The following MTHFSD variants were observed in gnomAD, a reference collection of about 807,000 sequenced individuals.
The protein encoded by MTHFSD is methenyltetrahydrofolate synthase domain-containing protein.
MTHFSD carries 37 observed loss-of-function variants against 31.1 expected under a neutral mutation model. The observed-to-expected ratio is 1.19, with a 90% CI of 0.91 to 1.56. MTHFSD has a LOEUF of 1.56. Among genes scored for constraint, MTHFSD ranks in the 40% most tolerant of loss-of-function variants. The probability of loss-of-function intolerance (pLI) is 0.00; values close to 1 mark genes in which losing one functional copy is unlikely to be tolerated. For missense variants in MTHFSD, 664 were observed against 510.1 expected (o/e 1.30, Z -2.91); for synonymous variants, 221 against 206.9 (o/e 1.07, Z -0.59).
rs952828121 is a variant in MTHFSD, at chr16:86,531,954, G to A, written c.*57C>T. On this transcript the variant is annotated 3_prime_UTR_variant, in exon 8 of 8. Coordinates refer to ENST00000360900, the MANE Select transcript of MTHFSD (RefSeq NM_001159377.2). This position sits in a 1 kb window ranked among gnomAD's most constrained non-coding sequence, Gnocchi z 5.5. ...GGCCTCTCGAGTGCCATCGGAACCG[G>A]AGCGGCAGGGGACGGGGATGGCGAG... 1 of 1,233,466 alleles carries A rather than the reference G, an allele frequency of 8.1e-7. No homozygotes were observed. The highest frequency in any genetic ancestry group is 1.6e-5 in the African/African-American group (1 of 64,474). 76.4% of individuals were successfully genotyped at this position (1,233,466 alleles called of 1,614,324 possible).
intron 1 of MTHFSD, 81 bp from the exon 2 acceptor site, chr16:86,554,832 A>C (rs1388887771): frequency 7.9e-7 from 1 of 1,267,588 alleles, no homozygotes; most frequent in East Asian, 2.4e-5. Flanking sequence ...TAGTTAAGCG[A>C]CCCCCGCGTG....
Position 86,541,746 on chromosome 16 carries a change from A to T in MTHFSD, c.632T>A (p.Ile211Asn). The T allele has an allele frequency of 6.2e-7, 1 of 1,614,142 alleles. No individual in the cohort carries two copies. Among genetic ancestry groups the T allele is most frequent in the South Asian group, 1.1e-5 (1 of 91,026 alleles). The change falls in exon 7 of 8, where the codon ATC becomes AAC. Residue 211 changes from isoleucine to asparagine, a missense_variant. Coordinates refer to ENST00000360900, the MANE Select transcript of MTHFSD (RefSeq NM_001159377.2). ...VDYILTPTRV[I>N]ATGCKRPKPM... ...CTTTGGGCGCTTGCAGCCTGTGGCGATGACTCTGGTTGGAGTGAGGATGTA... is the reference window on the plus strand; with the variant it reads ...CTTTGGGCGCTTGCAGCCTGTGGCGTTGACTCTGGTTGGAGTGAGGATGTA...
intron 3 of MTHFSD, among the ~76,000 whole-genome samples, chr16:86,550,173 C>T (rs1360673129): frequency 2.0e-5 from 3 of 152,246 alleles, no homozygotes; most frequent in Non-Finnish European, 2.9e-5. Flanking sequence ...TTACCTGCAT[C>T]CCAGCTGATC....
intron 7 of MTHFSD, among the ~76,000 whole-genome samples, chr16:86,538,222 C>A (rs1429055779): frequency 4.8e-5 from 1 of 20,832 alleles, no homozygotes; most frequent in Non-Finnish European, 8.0e-5. Context: ...TAACATATAT[C>A]ATTCCTGCCC....
chr16:86,549,130 C>A (rs1401889272), intron 3 of MTHFSD, among the ~76,000 whole-genome samples: 1 of 152,234 alleles, frequency 6.6e-6, no homozygotes, highest in Non-Finnish European at 1.5e-5. Context: ...TCTCAAATGC[C>A]TATTGTGAGA....
rs1383094681 is a variant in MTHFSD, at chr16:86,530,395, G to A, written c.*1616C>T. 1 of 152,220 alleles carries A rather than the reference G, an allele frequency of 6.6e-6. No homozygotes were observed. The highest frequency in any genetic ancestry group is 1.5e-5 in the Non-Finnish European group (1 of 68,074). 9.4% of individuals were successfully genotyped at this position (152,220 alleles called of 1,614,324 possible). A position where few individuals can be genotyped will look rare whatever the true frequency, so the allele number is the denominator to read the frequency against. On this transcript the variant is annotated 3_prime_UTR_variant, in exon 8 of 8. Transcript: ENST00000360900. ...AATCCCGCCGTCTGAGGGTGGGGTG[G>A]GCGTCAGGCATGGCTGGACACAGGA...
Position 86,554,892 on chromosome 16 carries a change from C to A in MTHFSD, c.17-141G>T, listed in dbSNP as rs987456928. The A allele has an allele frequency of 5.7e-6, 6 of 1,052,994 alleles. No individual in the cohort carries two copies. The African/African-American group carries it at 6.4e-5, about 11-fold the overall frequency. The allele number at this position is 1,052,994 out of a possible 1,614,324, so 65.2% of individuals were successfully genotyped here. A position where few individuals can be genotyped will look rare whatever the true frequency, so the allele number is the denominator to read the frequency against. ...GTTCCTGAGCCTCAGTTTCCCCGAC[C>A]TCAAGGGGCCCACGGGCTCCCCCAC... On this transcript the variant is annotated intron_variant, in intron 1 of 7. Transcript: ENST00000360900.
rs185517870 is a variant in MTHFSD at position 86,541,256 on chromosome 16, T to G, written c.681+441A>C. 5.7e-6 allele frequency: 7 copies of G among 1,233,446 alleles called. No homozygotes were observed. In the Admixed American group the frequency reaches 2.0e-4, roughly 36 times the overall value. The allele number at this position is 1,233,446 out of a possible 1,614,324, so 76.4% of individuals were successfully genotyped here. A position where few individuals can be genotyped will look rare whatever the true frequency, so the allele number is the denominator to read the frequency against. ...ACAAAGGCTTGGTACTGCCTCCTAC[T>G]CAGGCTAGATCTGCTTGAAGATCCA... is the stretch of plus-strand genomic sequence containing the variant. On this transcript the variant is annotated intron_variant, in intron 7 of 7. Transcript: ENST00000360900.
At chr16:86,547,376 G>A (rs1972475008) in intron 4 of MTHFSD, 1 of 985,774 alleles carries the variant, frequency 1.0e-6, no homozygotes, top group Non-Finnish European at 1.2e-6. Context: ...GTATCCAGCA[G>A]TAACTGATCA....
chr16:86,555,030 AC>A, intron 1 of MTHFSD, 138 bp downstream of exon 1: 1 of 1,442,180 alleles, frequency 6.9e-7, no homozygotes, highest in South Asian at 1.4e-5. Context: ...CCCAGCACAG[AC>A]CCCCTCTGAC....
At chr16:86,535,019 G>T (rs1394480579) in intron 7 of MTHFSD, among the ~76,000 whole-genome samples, 1 of 152,234 alleles carries the variant, frequency 6.6e-6, no homozygotes, top group Non-Finnish European at 1.5e-5. Context: ...CACACTTGGG[G>T]TTCTGCGGCA....
In MTHFSD at chr16:86,542,103, G is replaced by C. The variant is rs746954662; in HGVS notation, c.553C>G (p.Gln185Glu). Reference protein sequence around the residue: ...TPVVTIVHDCQVVDIPEELVE... With the variant: ...TPVVTIVHDCEVVDIPEELVE... ...CTCAGCCCATTCATAAGGAGCACCT[G>C]GCAGTCGTGGACGATGGTGACCACC... The change falls in exon 6 of 8, where the codon CAG becomes GAG. Residue 185 changes from glutamine (Q) to glutamate (E), a missense_variant and splice_region_variant. By Grantham distance (29) the Gln-to-Glu change is conservative. Coordinates refer to ENST00000360900, the MANE Select transcript of MTHFSD (RefSeq NM_001159377.2). The surrounding 1 kb of genome is among the most constrained non-coding windows in gnomAD (Gnocchi z 4.6). 6.2e-7 allele frequency: 1 copy of C among 1,612,896 alleles called. No individual in the cohort carries two copies. The highest frequency in any genetic ancestry group is 1.7e-4 in the Middle Eastern group (1 of 6,058).
intron 3 of MTHFSD, 99 bp downstream of exon 3, chr16:86,551,934 T>C (rs1973205087): frequency 6.5e-7 from 1 of 1,530,224 alleles, no homozygotes; most frequent in South Asian, 1.3e-5. Context: ...AAGCACCGAC[T>C]TTCTAAATGC....
rs972906297 is a variant in MTHFSD, at chr16:86,542,917, A to G, written c.443-704T>C. Among the ~76,000 whole-genome samples, 2 of 152,230 alleles carry G rather than the reference A, an allele frequency of 1.3e-5. No homozygotes were observed. The highest frequency in any genetic ancestry group is 2.9e-5 in the Non-Finnish European group (2 of 67,992). On this transcript the variant is annotated intron_variant, in intron 5 of 7. Coordinates refer to ENST00000360900, the MANE Select transcript of MTHFSD (RefSeq NM_001159377.2). The surrounding 1 kb of genome is among the most constrained non-coding windows in gnomAD (Gnocchi z 4.6). ...CCATGGAGAAGCTACAATTCCGCTT[A>G]TGAGAAGCCTGAGGCACTTCAGAAA...
chr16:86,546,422 T>C lies in MTHFSD; in HGVS notation c.442+137A>G, dbSNP rs199730843. 100 of 735,286 alleles carry C rather than the reference T, an allele frequency of 1.4e-4. No homozygotes were observed. In the East Asian group the frequency reaches 2.4e-3, roughly 18 times the overall value. The allele number at this position is 735,286 out of a possible 1,614,324, so 45.5% of individuals were successfully genotyped here. A position where few individuals can be genotyped will look rare whatever the true frequency, so the allele number is the denominator to read the frequency against. On this transcript the variant is annotated intron_variant, in intron 5 of 7. Transcript: ENST00000360900. ...GAGCCAATTCTTCACCTCTGAAAAATGCAGCGGCTTCGGAGACCAGGTAAG... is the reference window on the plus strand; with the variant it reads ...GAGCCAATTCTTCACCTCTGAAAAACGCAGCGGCTTCGGAGACCAGGTAAG...
At position 86,531,662 on chromosome 16, in the gene MTHFSD, A is replaced by T; in HGVS notation, c.*349T>A. On this transcript the variant is annotated 3_prime_UTR_variant, in exon 8 of 8. Transcript: ENST00000360900. This position sits in a 1 kb window ranked among gnomAD's most constrained non-coding sequence, Gnocchi z 5.5. ...CTCCTGTTCAGCCCACCCCTGGCAA[A>T]CTCGAGATCACCTTCACATCACCCT... The T allele has an allele frequency of 5.3e-6, 1 of 189,842 alleles. No individual in the cohort carries two copies. The highest frequency in any genetic ancestry group is 1.1e-5 in the Non-Finnish European group (1 of 93,296). 11.8% of individuals were successfully genotyped at this position (189,842 alleles called of 1,614,324 possible).
intron 2 of MTHFSD, among the ~76,000 whole-genome samples, 185 bp downstream of exon 2, chr16:86,554,460 G>C (rs1422289170): frequency 6.6e-6 from 1 of 152,184 alleles, no homozygotes; most frequent in African/African-American, 2.4e-5. Context: ...GAGGCCCCAG[G>C]TGAAGAGTAA....
rs1361467159 is a variant in MTHFSD, at chr16:86,532,015, T to C, written c.1148A>G (p.Lys383Arg). 7.5e-6 allele frequency: 11 copies of C among 1,472,944 alleles called. No individual in the cohort carries two copies. Among genetic ancestry groups the C allele is most frequent in the African/African-American group, 1.4e-5 (1 of 70,380 alleles). 91.2% of individuals were successfully genotyped at this position (1,472,944 alleles called of 1,614,324 possible). A position where few individuals can be genotyped will look rare whatever the true frequency, so the allele number is the denominator to read the frequency against. Residue 383 changes from lysine to arginine, a missense_variant, in exon 8 of 8, where the codon AAG becomes AGG. Coordinates refer to ENST00000360900, the MANE Select transcript of MTHFSD (RefSeq NM_001159377.2). ...RVALARQQRD[K>R] ...GCTCCGTGGCTGTCCACGAGGTCACTTGTCCCTCTGCTGCCTGGCCAGCGC... is the reference window on the plus strand; with the variant it reads ...GCTCCGTGGCTGTCCACGAGGTCACCTGTCCCTCTGCTGCCTGGCCAGCGC...
At chr16:86,549,407 CAAGACCAATAA>C (rs1196982768) in intron 3 of MTHFSD, among the ~76,000 whole-genome samples, 36 of 152,206 alleles carry the variant, frequency 2.4e-4, no homozygotes, top group Admixed American at 2.4e-3. Flanking sequence ...GATGACAACC[CAAGACCAATAA>C]AAGACCCATG....
Sources: allele counts gnomAD v4.1 joint callset (sites outside exome capture counted in the v4.1 genomes callset), GRCh38; gene constraint gnomAD v4.1.1; non-coding constraint Gnocchi (gnomAD v3.1); transcripts MANE v1.5; gene names NCBI Gene and HGNC (gene_info 2026-07-23, HGNC 2026-07-21).